The following SLC6A12 variants were observed in gnomAD, a reference collection of about 807,000 sequenced individuals.
SLC6A12 encodes sodium- and chloride-dependent betaine transporter.
In SLC6A12, 50 loss-of-function variants were observed where a neutral mutation model predicts 73.3. The observed-to-expected ratio is 0.68, with a 90% CI of 0.54 to 0.86. SLC6A12 has a LOEUF of 0.86. SLC6A12 is among the 40% of genes least tolerant of loss of function. The pLI, the probability that SLC6A12 is intolerant of heterozygous loss-of-function variation, is 0.00. For synonymous variants in SLC6A12, 304 were observed against 309.2 expected, an observed-to-expected ratio of 0.98 and a Z score of 0.18; for missense variants, 648 against 772.8, an observed-to-expected ratio of 0.84 and a Z score of 1.92.
Position 198,575 on chromosome 12 carries a change from G to C in SLC6A12, c.846+222C>G, listed in dbSNP as rs117658240. The C allele has an allele frequency of 9.2e-4, 429 of 464,168 alleles. 7 individuals carry two copies. In the East Asian group the frequency reaches 0.015, roughly 17 times the overall value. 28.8% of individuals were successfully genotyped at this position (464,168 alleles called of 1,614,324 possible). A position where few individuals can be genotyped will look rare whatever the true frequency, so the allele number is the denominator to read the frequency against. On this transcript the variant is annotated intron_variant, in intron 8 of 15. Coordinates refer to ENST00000684302, the MANE Select transcript of SLC6A12 (RefSeq NM_001122848.3). The surrounding 1 kb of genome is among the most constrained non-coding windows in gnomAD (Gnocchi z 4.0). ...CCAGACCCTGCCTGTCTCTAAGTAA[G>C]AGAAAAAAAATTTTTTAAGAAAAAA...
downstream of SLC6A12, among the ~76,000 whole-genome samples, chr12:189,607 C>T (rs1939509674): frequency 6.6e-6 from 1 of 152,180 alleles, no homozygotes; most frequent in Non-Finnish European, 1.5e-5. Context: ...TCCTGGCTGG[C>T]TTCCCTTGAC....
chr12:193,462 T>C (rs1939710981), intron 13 of SLC6A12, 85 bp from the exon 14 acceptor site: 2 of 1,010,252 alleles, frequency 2.0e-6, no homozygotes, highest in African/African-American at 1.6e-5. Context: ...CTTGGCTCTG[T>C]GCCCTTCCCT....
rs11061915 is a variant in SLC6A12 at position 200,698 on chromosome 12, C to T, written c.664G>A (p.Val222Ile). Reference protein sequence around the residue: ...ELALCLLLAWVICYFCIWKGV... With the variant: ...ELALCLLLAWIICYFCIWKGV... ...TTCCAGATGCAGAAATAGCAGATGACCCAGGCGAGCAGGAGGCACAGGGCC... is the reference window on the plus strand; with the variant it reads ...TTCCAGATGCAGAAATAGCAGATGATCCAGGCGAGCAGGAGGCACAGGGCC... Residue 222 changes from valine to isoleucine, a missense_variant, in exon 7 of 16, where the codon GTC becomes ATC. Coordinates refer to ENST00000684302, the MANE Select transcript of SLC6A12 (RefSeq NM_001122848.3). 7.4e-3 allele frequency: 11,973 copies of T among 1,614,098 alleles called. 56 individuals carry two copies. Among genetic ancestry groups the T allele is most frequent in the Non-Finnish European group, 9.0e-3 (10,574 of 1,179,990 alleles).
intron 7 of SLC6A12, among the ~76,000 whole-genome samples, chr12:199,987 G>T (rs995520327): frequency 6.6e-6 from 1 of 152,172 alleles, no homozygotes; most frequent in East Asian, 1.9e-4. Flanking sequence ...ACACACATAC[G>T]TATGAGAGAA....
rs1263494531 is a variant in SLC6A12 at position 209,701 on chromosome 12, G to C, written c.214+72C>G. ...TATAAACCACACTGCCCAGGAAGGAGGGCCCAGGTAGGCACTGCCCAGCTG... is the reference window on the plus strand; with the variant it reads ...TATAAACCACACTGCCCAGGAAGGACGGCCCAGGTAGGCACTGCCCAGCTG... On this transcript the variant is annotated intron_variant, in intron 3 of 15. Coordinates refer to ENST00000684302, the MANE Select transcript of SLC6A12 (RefSeq NM_001122848.3). 7 of 1,535,734 alleles carry C rather than the reference G, an allele frequency of 4.6e-6. No individual in the cohort carries two copies. The Admixed American group carries it at 6.7e-5, about 15-fold the overall frequency.
rs1939550777 is a variant in SLC6A12 at position 190,621 on chromosome 12, A to C, written c.*447T>G. 6.5e-6 allele frequency: 1 copy of C among 152,852 alleles called. No homozygotes were observed. The highest frequency in any genetic ancestry group is 2.4e-5 in the African/African-American group (1 of 41,418). The allele number at this position is 152,852 out of a possible 1,614,324, so 9.5% of individuals were successfully genotyped here. On this transcript the variant is annotated 3_prime_UTR_variant, in exon 16 of 16. Transcript: ENST00000684302. ...ACCTCCGATCCAACACAGTGTGTTC[A>C]GTTGTCACTTCCAACAGGGTATTGT...
At chr12:210,772 A>G (rs977874751) in intron 2 of SLC6A12, among the ~76,000 whole-genome samples, 4 of 152,178 alleles carry the variant, frequency 2.6e-5, no homozygotes, top group African/African-American at 9.7e-5. Flanking sequence ...TCACCTCCGG[A>G]TGACCCCCAA....
Position 201,228 on chromosome 12 carries a change from G to A in SLC6A12, c.579-445C>T, listed in dbSNP as rs376448742. 1.4e-3 allele frequency: 262 copies of A among 191,042 alleles called. 2 individuals are homozygous for A. Among genetic ancestry groups the A allele is most frequent in the African/African-American group, 5.4e-3 (229 of 42,460 alleles). 11.8% of individuals were successfully genotyped at this position (191,042 alleles called of 1,614,324 possible). A position where few individuals can be genotyped will look rare whatever the true frequency, so the allele number is the denominator to read the frequency against. On this transcript the variant is annotated intron_variant, in intron 6 of 15. Transcript: ENST00000684302. ...CAGGTGTGAGGGCATTGGTGCCTAC[G>A]TGGGGGTTAGCTCAGTGTGAGAGAG... is the stretch of plus-strand genomic sequence containing the variant.
intron 7 of SLC6A12, 77 bp from the exon 8 acceptor site, chr12:199,008 C>G: frequency 6.7e-7 from 1 of 1,484,390 alleles, no homozygotes; most frequent in Middle Eastern, 1.9e-4. Context: ...ACAGGCAGCT[C>G]GAGTCACACG....
chr12:185,960 G>A (rs1467501676), downstream of SLC6A12, among the ~76,000 whole-genome samples: 4 of 152,166 alleles, frequency 2.6e-5, no homozygotes, highest in East Asian at 3.8e-4. Context: ...TTACTTCACT[G>A]AGCAGCAGAA....
At chr12:200,927 A>G in intron 6 of SLC6A12, 144 bp from the exon 7 acceptor site, 1 of 761,264 alleles carries the variant, frequency 1.3e-6, no homozygotes, top group Non-Finnish European at 2.1e-6. Flanking sequence ...CCCCACAGTC[A>G]GGCCATGTTC....
At chr12:197,573 A>G in intron 9 of SLC6A12, 72 bp from the exon 10 acceptor site, 1 of 1,495,110 alleles carries the variant, frequency 6.7e-7, no homozygotes, top group Non-Finnish European at 9.0e-7. Context: ...CAGTCATGGG[A>G]GGAGAGGTCA....
chr12:184,439 A>G, the SLC6A12 span, among the ~76,000 whole-genome samples: 2 of 152,190 alleles, frequency 1.3e-5, no homozygotes, highest in Non-Finnish European at 2.9e-5. Context: ...AGTCTGGCCA[A>G]CATGGCAAAA....
In SLC6A12 at chr12:197,495, G is replaced by A. The variant is rs1939981783; in HGVS notation, c.957C>T (p.Cys319=). The stretch of plus-strand genomic sequence containing the variant: ...CACTGTTCAGGAAGCAGAGGGCGAT[G>A]CAGTCCCTGTGGGAGTGGGGCAAGG... The part of the protein sequence containing the change: ...NKYHNNCYKD[C]IALCFLNSAT... Residue 319 remains cysteine (C), a synonymous_variant, in exon 10 of 16, where the codon TGC becomes TGT. Coordinates refer to ENST00000684302, the MANE Select transcript of SLC6A12 (RefSeq NM_001122848.3). 3 of 1,613,228 alleles carry A rather than the reference G, an allele frequency of 1.9e-6. No homozygotes were observed. The African/African-American group carries it at 4.0e-5, about 22-fold the overall frequency.
At chr12:210,458 G>A in intron 2 of SLC6A12, 1 of 994,442 alleles carries the variant, frequency 1.0e-6, no homozygotes, top group Non-Finnish European at 1.2e-6. Context: ...AGGTAGCAAG[G>A]GTCAACGGGC....
At chr12:192,129 C>T (rs1054908629) in intron 15 of SLC6A12, among the ~76,000 whole-genome samples, 2 of 152,152 alleles carry the variant, frequency 1.3e-5, no homozygotes, top group Non-Finnish European at 2.9e-5. Flanking sequence ...TTTCCGAGGG[C>T]AAGGAATCTA....
At chr12:186,618 G>A (rs527624954), downstream of SLC6A12, among the ~76,000 whole-genome samples, 189 of 152,334 alleles carry the variant, frequency 1.2e-3, 1 homozygote, top group African/African-American at 4.4e-3. Flanking sequence ...GCAAGCTGCT[G>A]CTGTTGACCA....
At chr12:184,946 T>C in the SLC6A12 span, among the ~76,000 whole-genome samples, 1 of 144,046 alleles carries the variant, frequency 6.9e-6, no homozygotes. Context: ...AAAAAAAAAA[T>C]CATCAGCCGT....
intron 3 of SLC6A12, among the ~76,000 whole-genome samples, chr12:209,539 G>T (rs915338977): frequency 2.0e-5 from 3 of 152,168 alleles, no homozygotes; most frequent in African/African-American, 7.2e-5. Flanking sequence ...GAATTTCTTG[G>T]TCCTGCCCAT....
Sources: gnomAD v4.1 joint callset for allele counts (sites outside exome capture counted in the v4.1 genomes callset) on GRCh38, gnomAD v4.1.1 for gene constraint, Gnocchi (gnomAD v3.1) non-coding constraint, MANE v1.5 for transcripts, NCBI Gene and HGNC (gene_info 2026-07-23, HGNC 2026-07-21) for gene names.